Variants in PLPPR1 observed in about 807,000 individuals in gnomAD.
The protein encoded by PLPPR1 is phospholipid phosphatase-related protein type 1.
Under a neutral mutation model 33.1 loss-of-function variants are expected in PLPPR1, and 10 were observed. The observed-to-expected ratio is 0.30, with a 90% CI of 0.19 to 0.51. PLPPR1 has a LOEUF of 0.51. Ranked by LOEUF, PLPPR1 falls within the 20% of genes least tolerant of loss-of-function variation. The pLI, the probability that PLPPR1 is intolerant of heterozygous loss-of-function variation, is 0.97. For synonymous variants in PLPPR1, 151 were observed against 151.0 expected, an observed-to-expected ratio of 1.00 and a Z score of 0.00; for missense variants, 304 against 408.1, an observed-to-expected ratio of 0.74 and a Z score of 2.20.
intron 7 of PLPPR1, among the ~76,000 whole-genome samples, chr9:101,319,180 CT>C (rs1378140581): frequency 1.3e-5 from 2 of 152,114 alleles, no homozygotes; most frequent in African/African-American, 4.8e-5. Context: ...ACCCTATGCT[CT>C]TTTTTCCCCC....
intron 1 of PLPPR1, among the ~76,000 whole-genome samples, chr9:101,041,674 T>C (rs893547821): frequency 2.0e-5 from 3 of 152,094 alleles, no homozygotes; most frequent in African/African-American, 7.2e-5. Flanking sequence ...TGGAGGACTT[T>C]GGGGCCATAA....
chr9:101,090,886 T>A (rs1830733436), intron 1 of PLPPR1, among the ~76,000 whole-genome samples: 1 of 152,244 alleles, frequency 6.6e-6, no homozygotes, highest in East Asian at 1.9e-4. Flanking sequence ...TTCTTTTTTT[T>A]TCCCCATCCT....
At chr9:101,279,107 G>A (rs531554266) in intron 3 of PLPPR1, among the ~76,000 whole-genome samples, 6 of 152,252 alleles carry the variant, frequency 3.9e-5, no homozygotes, top group Admixed American at 2.6e-4. Context: ...AGAGATGTTC[G>A]AACTCACTGA....
Position 101,309,269 on chromosome 9 carries a change from C to A in PLPPR1, c.444C>A (p.Val148=), listed in dbSNP as rs201003910. ...TTTTTGTAAACGCCGGACAAGTGGT[C>A]ACTGGGCACTTAACGCCATACTTCC... The part of the protein sequence containing the change: ...TDIFVNAGQV[V]TGHLTPYFLT... Residue 148 remains valine (V), a synonymous_variant, in exon 5 of 8, where the codon GTC becomes GTA. Coordinates refer to ENST00000374874, the MANE Select transcript of PLPPR1 (RefSeq NM_207299.2). 6.2e-7 allele frequency: 1 copy of A among 1,614,008 alleles called. No homozygotes were observed. The highest frequency in any genetic ancestry group is 8.5e-7 in the Non-Finnish European group (1 of 1,180,032).
intron 4 of PLPPR1, among the ~76,000 whole-genome samples, chr9:101,289,387 G>T (rs1828452437): frequency 6.6e-6 from 1 of 152,178 alleles, no homozygotes; most frequent in Non-Finnish European, 1.5e-5. Context: ...GAGAACAGAA[G>T]TTGTATCTTT....
intron 2 of PLPPR1, among the ~76,000 whole-genome samples, chr9:101,253,788 G>A (rs992285677): frequency 2.8e-4 from 42 of 152,186 alleles, no homozygotes; most frequent in African/African-American, 1.0e-3. Context: ...TGCCCAGTAT[G>A]TGGTTCAGTC....
intron 1 of PLPPR1, among the ~76,000 whole-genome samples, chr9:101,063,312 G>A (rs1187834766): frequency 6.6e-6 from 1 of 152,014 alleles, no homozygotes; most frequent in Non-Finnish European, 1.5e-5. Flanking sequence ...CACGGTGAAG[G>A]TGATATGGCA....
intron 4 of PLPPR1, among the ~76,000 whole-genome samples, chr9:101,300,771 G>T (rs529959512): frequency 1.3e-5 from 2 of 152,238 alleles, no homozygotes; most frequent in East Asian, 3.9e-4. Flanking sequence ...TGTATCCAGG[G>T]CATATTTTCT....
chr9:101,126,498 C>T (rs1259183398), intron 1 of PLPPR1, among the ~76,000 whole-genome samples: 3 of 152,196 alleles, frequency 2.0e-5, no homozygotes, highest in Middle Eastern at 6.8e-3. Context: ...CAATTGTTGC[C>T]GTTTGTAAGG....
intron 2 of PLPPR1, among the ~76,000 whole-genome samples, chr9:101,235,096 G>T (rs1053678298): frequency 6.6e-6 from 1 of 151,790 alleles, no homozygotes; most frequent in African/African-American, 2.4e-5. Flanking sequence ...ATTTATTTTT[G>T]ATGGTATTTA....
chr9:101,244,277 A>G (rs1423032328), intron 2 of PLPPR1, among the ~76,000 whole-genome samples: 1 of 152,022 alleles, frequency 6.6e-6, no homozygotes, highest in African/African-American at 2.4e-5. Context: ...GTAAAAATTT[A>G]AAAGAAAAAA....
chr9:101,088,652 C>G (rs895277422), intron 1 of PLPPR1, among the ~76,000 whole-genome samples: 2 of 152,068 alleles, frequency 1.3e-5, no homozygotes, highest in Admixed American at 6.6e-5. Flanking sequence ...AAGTAATCAG[C>G]AATAAAATTT....
intron 2 of PLPPR1, among the ~76,000 whole-genome samples, chr9:101,265,772 G>A (rs1427780421): frequency 2.0e-5 from 3 of 151,988 alleles, no homozygotes; most frequent in Admixed American, 1.3e-4. Flanking sequence ...TGAGGCAGGC[G>A]GATCACGAGG....
chr9:101,035,672 G>A (rs1378824513), intron 1 of PLPPR1, among the ~76,000 whole-genome samples: 3 of 152,058 alleles, frequency 2.0e-5, no homozygotes, highest in Non-Finnish European at 4.4e-5. Context: ...GCATATATAA[G>A]CGTTCAGTAA....
chr9:101,297,289 G>A (rs1357208778), intron 4 of PLPPR1, among the ~76,000 whole-genome samples: 2 of 152,208 alleles, frequency 1.3e-5, no homozygotes, highest in African/African-American at 2.4e-5. Context: ...ACAGTCTTCA[G>A]TGTGGATAGA....
intron 3 of PLPPR1, among the ~76,000 whole-genome samples, chr9:101,273,904 A>G (rs1292639638): frequency 6.6e-6 from 1 of 152,212 alleles, no homozygotes; most frequent in Non-Finnish European, 1.5e-5. Context: ...AACATACATC[A>G]CCAAAACTTT....
At chr9:101,259,717 C>T (rs1195950827) in intron 2 of PLPPR1, among the ~76,000 whole-genome samples, 2 of 152,144 alleles carry the variant, frequency 1.3e-5, no homozygotes, top group African/African-American at 2.4e-5. Context: ...AGACATGAGA[C>T]ATCAATTAAT....
intron 1 of PLPPR1, among the ~76,000 whole-genome samples, chr9:101,057,534 T>C (rs1830292407): frequency 1.3e-5 from 2 of 151,570 alleles, no homozygotes; most frequent in Non-Finnish European, 2.9e-5. Context: ...TGATGGTATA[T>C]TGTAAAAAAA....
intron 1 of PLPPR1, among the ~76,000 whole-genome samples, chr9:101,089,220 T>C (rs1163711623): frequency 6.6e-6 from 1 of 152,080 alleles, no homozygotes; most frequent in Non-Finnish European, 1.5e-5. Flanking sequence ...ATTTTACAGA[T>C]TATTAAATAG....
Sources: gnomAD v4.1 joint callset for allele counts (sites outside exome capture counted in the v4.1 genomes callset) on GRCh38, gnomAD v4.1.1 for gene constraint, MANE v1.5 for transcripts, NCBI Gene and HGNC (gene_info 2026-07-23, HGNC 2026-07-21) for gene names.